The following CDH9 variants were observed in gnomAD, a reference collection of about 807,000 sequenced individuals.
The protein encoded by CDH9 is cadherin 9.
Under a neutral mutation model 70.9 loss-of-function variants are expected in CDH9, and 28 were observed. That is an observed-to-expected ratio of 0.40 (90% CI 0.29 to 0.54). The LOEUF (loss-of-function observed/expected upper bound fraction) is 0.54. Among genes scored for constraint, CDH9 ranks in the 20% least tolerant of loss-of-function variants. The pLI is 0.59. For missense variants in CDH9, 874 were observed against 984.4 expected (o/e 0.89, Z 1.50); for synonymous variants, 409 against 343.1 (o/e 1.19, Z -2.12).
chr5:26,929,985 A>G (rs1276215488), intron 2 of CDH9, among the ~76,000 whole-genome samples: 5 of 152,032 alleles, frequency 3.3e-5, no homozygotes, highest in Non-Finnish European at 5.9e-5. Context: ...AATAACTAAA[A>G]GAGTATAATT....
chr5:26,967,378 G>A (rs1742147300), intron 2 of CDH9, among the ~76,000 whole-genome samples: 1 of 152,094 alleles, frequency 6.6e-6, no homozygotes, highest in Non-Finnish European at 1.5e-5. Flanking sequence ...TTGCTCATGA[G>A]TTTCAGGACC....
intron 2 of CDH9, among the ~76,000 whole-genome samples, chr5:26,979,987 C>T (rs556027955): frequency 6.6e-6 from 1 of 151,804 alleles, no homozygotes; most frequent in Non-Finnish European, 1.5e-5. Flanking sequence ...ATATGGAATG[C>T]TAGAGAATTG....
At chr5:26,936,207 T>A (rs1189431511) in intron 2 of CDH9, among the ~76,000 whole-genome samples, 2 of 152,070 alleles carry the variant, frequency 1.3e-5, no homozygotes, top group African/African-American at 2.4e-5. Context: ...GAACTTATGC[T>A]TGTAGCCAAA....
intron 2 of CDH9, among the ~76,000 whole-genome samples, chr5:26,980,181 A>G (rs1742376460): frequency 1.3e-5 from 2 of 151,896 alleles, no homozygotes; most frequent in Admixed American, 6.6e-5. Context: ...TTATTGGAAA[A>G]TATTGAGGAA....
chr5:26,906,294 G>A (rs1281777341), intron 4 of CDH9, among the ~76,000 whole-genome samples, 168 bp from the exon 5 acceptor site: 1 of 152,074 alleles, frequency 6.6e-6, no homozygotes, highest in Non-Finnish European at 1.5e-5. Flanking sequence ...AGAACAGGAA[G>A]GATTTTCCCA....
intron 2 of CDH9, among the ~76,000 whole-genome samples, chr5:26,952,929 A>G (rs1412174888): frequency 6.7e-6 from 1 of 148,642 alleles, no homozygotes; most frequent in Non-Finnish European, 1.5e-5. Flanking sequence ...AAAAGTTTAA[A>G]GAGAATACAG....
chr5:26,899,431 A>T (rs188388463), intron 7 of CDH9, among the ~76,000 whole-genome samples: 23 of 152,128 alleles, frequency 1.5e-4, no homozygotes, highest in Admixed American at 5.2e-4. Context: ...AATGTCCATC[A>T]ATGATAGACT....
chr5:26,889,706 G>A, intron 9 of CDH9, 130 bp downstream of exon 9: 1 of 569,492 alleles, frequency 1.8e-6, no homozygotes, highest in Non-Finnish European at 3.1e-6. Flanking sequence ...TCTTTGTTAA[G>A]GATAAATGGT....
chr5:26,972,815 G>A (rs1742242567), intron 2 of CDH9, among the ~76,000 whole-genome samples: 1 of 151,932 alleles, frequency 6.6e-6, no homozygotes, highest in Non-Finnish European at 1.5e-5. Context: ...TGAGAATGAT[G>A]ACACTTAATC....
intron 2 of CDH9, among the ~76,000 whole-genome samples, chr5:26,938,738 G>A (rs773247200): frequency 3.2e-4 from 48 of 151,922 alleles, no homozygotes; most frequent in Non-Finnish European, 4.6e-4. Flanking sequence ...ACAAATTGGG[G>A]TATATTCATG....
chr5:27,012,083 C>A (rs1742968888), intron 1 of CDH9, among the ~76,000 whole-genome samples: 1 of 151,884 alleles, frequency 6.6e-6, no homozygotes, highest in Non-Finnish European at 1.5e-5. Flanking sequence ...CTAGGATCCA[C>A]TATACCCTTA....
chr5:26,885,071 A>T (rs1377027023), intron 11 of CDH9, among the ~76,000 whole-genome samples: 1 of 152,190 alleles, frequency 6.6e-6, no homozygotes, highest in Non-Finnish European at 1.5e-5. Context: ...ACACATTTGC[A>T]TGTTAGACAT....
chr5:27,027,314 T>A (rs913609232), intron 1 of CDH9, among the ~76,000 whole-genome samples: 2 of 152,056 alleles, frequency 1.3e-5, no homozygotes, highest in Admixed American at 1.3e-4. Flanking sequence ...AATATTTACA[T>A]TCAGACTTAG....
Position 26,914,287 on chromosome 5 carries a change from T to C in CDH9, c.523+1343A>G, listed in dbSNP as rs1351089118. 2.6e-5 allele frequency among the ~76,000 whole-genome samples: 4 copies of C among 151,818 alleles called. No homozygotes were observed. The South Asian group carries it at 6.2e-4, about 24-fold the overall frequency. Reference sequence around the variant, plus strand: ...AGAATTACTTTAAAATAATCATCAATAGGAAATTGATGAGTGTAATTTTAT... The same window carrying C: ...AGAATTACTTTAAAATAATCATCAACAGGAAATTGATGAGTGTAATTTTAT... On this transcript the variant is annotated intron_variant, in intron 3 of 11. Coordinates refer to ENST00000231021, the MANE Select transcript of CDH9 (RefSeq NM_016279.4).
intron 2 of CDH9, among the ~76,000 whole-genome samples, chr5:26,933,047 TTAAA>T (rs1322294070): frequency 6.8e-5 from 10 of 147,478 alleles, no homozygotes; most frequent in Non-Finnish European, 1.5e-4. Flanking sequence ...TATATTTTAC[TTAAA>T]TATAAATATA....
rs113940171 is a variant in CDH9 at position 26,910,496 on chromosome 5, T to A, written c.524-3658A>T. On this transcript the variant is annotated intron_variant, in intron 3 of 11. Coordinates refer to ENST00000231021, the MANE Select transcript of CDH9 (RefSeq NM_016279.4). ...ATAACATGTAAAAGCTTTCTCTCTC[T>A]CACACACATTCTCTTTATCTGTATC... Among the ~76,000 whole-genome samples the A allele has an allele frequency of 7.8e-3, 1,192 of 152,270 alleles. 15 individuals are homozygous for A. Among genetic ancestry groups the A allele is most frequent in the African/African-American group, 0.027 (1,126 of 41,546 alleles).
At chr5:26,947,657 A>G (rs1741776688) in intron 2 of CDH9, among the ~76,000 whole-genome samples, 1 of 152,220 alleles carries the variant, frequency 6.6e-6, no homozygotes, top group South Asian at 2.1e-4. Context: ...AAGCATTGAA[A>G]TAAGGAAAGA....
At chr5:27,036,197 T>C (rs1457343632) in intron 1 of CDH9, among the ~76,000 whole-genome samples, 8 of 151,812 alleles carry the variant, frequency 5.3e-5, no homozygotes. Flanking sequence ...ATAAAAACAA[T>C]CTAATTAACT....
At chr5:26,991,912 T>C (rs915634348) in intron 1 of CDH9, among the ~76,000 whole-genome samples, 4 of 152,156 alleles carry the variant, frequency 2.6e-5, no homozygotes, top group African/African-American at 7.2e-5. Flanking sequence ...CAACACCATT[T>C]GGGCATAATT....
Sources: gnomAD v4.1 joint callset for allele counts (sites outside exome capture counted in the v4.1 genomes callset) on GRCh38, gnomAD v4.1.1 for gene constraint, MANE v1.5 for transcripts, NCBI Gene and HGNC (gene_info 2026-07-23, HGNC 2026-07-21) for gene names.